Variants in OTOGL observed in about 807,000 individuals in gnomAD.
The protein encoded by OTOGL is otogelin-like protein.
OTOGL carries 285 observed loss-of-function variants against 318.5 expected under a neutral mutation model. That is an observed-to-expected ratio of 0.89 (90% CI 0.81 to 0.99). OTOGL has a LOEUF of 0.99. OTOGL is among the 50% of genes least tolerant of loss of function. The pLI is 0.00. For missense variants in OTOGL, 2,899 were observed against 2,845.6 expected (o/e 1.02, Z -0.43); for synonymous variants, 987 against 936.5 (o/e 1.05, Z -0.99).
intron 1 of OTOGL, among the ~76,000 whole-genome samples, chr12:80,112,711 T>C (rs1472301692): frequency 4.2e-4 from 62 of 148,412 alleles, no homozygotes; most frequent in African/African-American, 1.3e-3. Context: ...TTTTCTTTCT[T>C]TTTTTTTTTT....
intron 1 of OTOGL, among the ~76,000 whole-genome samples, chr12:80,134,848 A>G (rs1286436872): frequency 1.3e-5 from 2 of 152,084 alleles, no homozygotes; most frequent in Non-Finnish European, 2.9e-5. Flanking sequence ...CCATCCCCTC[A>G]TATCTCTGCA....
chr12:80,099,716 C>T (rs1592451264), intron 1 of OTOGL, 111 bp downstream of exon 1: 1 of 152,222 alleles, frequency 6.6e-6, no homozygotes, highest in African/African-American at 2.4e-5. Context: ...GGTGATGAAG[C>T]ATTTACAATA....
chr12:80,106,612 C>T (rs1362154685), intron 1 of OTOGL, among the ~76,000 whole-genome samples: 1 of 152,156 alleles, frequency 6.6e-6, no homozygotes, highest in Non-Finnish European at 1.5e-5. Flanking sequence ...GAAACATACG[C>T]ACACACATAC....
At chr12:80,342,329 A>G (rs1205155244) in intron 44 of OTOGL, among the ~76,000 whole-genome samples, 167 bp downstream of exon 44, 1 of 152,210 alleles carries the variant, frequency 6.6e-6, no homozygotes, top group Admixed American at 6.5e-5. Flanking sequence ...CAGGCTTACA[A>G]ACACAAGAAG....
At chr12:80,308,850 G>A (rs1000288359) in intron 29 of OTOGL, among the ~76,000 whole-genome samples, 2 of 152,160 alleles carry the variant, frequency 1.3e-5, no homozygotes, top group African/African-American at 4.8e-5. Flanking sequence ...GCCTGCAATC[G>A]CAGGCACTCG....
At chr12:80,130,282 G>A (rs537059155) in intron 1 of OTOGL, among the ~76,000 whole-genome samples, 1 of 152,116 alleles carries the variant, frequency 6.6e-6, no homozygotes, top group East Asian at 1.9e-4. Flanking sequence ...AAATTAGACA[G>A]ACAAATTGTT....
intron 9 of OTOGL, among the ~76,000 whole-genome samples, chr12:80,234,773 A>C (rs148291622): frequency 6.6e-6 from 1 of 152,210 alleles, no homozygotes; most frequent in South Asian, 2.1e-4. Context: ...TAGATAATGC[A>C]TCGTCAGGAT....
At chr12:80,158,505 G>T (rs1873276812) in intron 1 of OTOGL, among the ~76,000 whole-genome samples, 1 of 151,986 alleles carries the variant, frequency 6.6e-6, no homozygotes, top group South Asian at 2.1e-4. Context: ...GGCAGAGATA[G>T]GAGGTAAAGG....
chr12:80,369,884 C>T (rs1890775114), intron 55 of OTOGL, among the ~76,000 whole-genome samples: 1 of 151,842 alleles, frequency 6.6e-6, no homozygotes, highest in African/African-American at 2.4e-5. Flanking sequence ...GTAATGCTGA[C>T]ATTAACTACT....
intron 1 of OTOGL, among the ~76,000 whole-genome samples, chr12:80,184,155 G>A (rs979660935): frequency 1.3e-5 from 2 of 152,096 alleles, no homozygotes; most frequent in East Asian, 1.9e-4. Flanking sequence ...CTATACTAAC[G>A]GCAAGCCCTT....
chr12:80,220,394 GGTGA>G (rs1341941062), intron 6 of OTOGL, among the ~76,000 whole-genome samples: 3 of 152,020 alleles, frequency 2.0e-5, no homozygotes, highest in African/African-American at 7.2e-5. Flanking sequence ...CCTGAACTCA[GGTGA>G]TCCTCCCATC....
intron 26 of OTOGL, among the ~76,000 whole-genome samples, chr12:80,286,255 T>C (rs1884612085): frequency 6.6e-6 from 1 of 152,320 alleles, no homozygotes; most frequent in Non-Finnish European, 1.5e-5. Flanking sequence ...CTTTTTGATA[T>C]GCTGCTGGGT....
chr12:80,135,669 G>T lies in OTOGL; in HGVS notation c.-20+36064G>T, dbSNP rs1303856515. Among the ~76,000 whole-genome samples the T allele has an allele frequency of 2.0e-5, 3 of 152,172 alleles. No individual in the cohort carries two copies. In the East Asian group the frequency reaches 5.8e-4, roughly 29 times the overall value. ...ATTTTCTATTTCAATATCTGTAATG[G>T]TTAATTTTATTTCTCAACTTGACTA... On this transcript the variant is annotated intron_variant, in intron 1 of 58. Transcript: ENST00000547103.
At chr12:80,248,353 A>G (rs1289156571) in intron 11 of OTOGL, among the ~76,000 whole-genome samples, 1 of 144,522 alleles carries the variant, frequency 6.9e-6, no homozygotes, top group Non-Finnish European at 1.5e-5. Context: ...CTTTTAGGGC[A>G]GGCCTGGTGG....
intron 17 of OTOGL, among the ~76,000 whole-genome samples, chr12:80,256,790 G>T (rs954970453): frequency 6.6e-6 from 1 of 152,064 alleles, no homozygotes; most frequent in Non-Finnish European, 1.5e-5. Flanking sequence ...TCTGGAGAGG[G>T]GTGTACTGAA....
chr12:80,276,154 G>T (rs1883789676), intron 24 of OTOGL, among the ~76,000 whole-genome samples: 2 of 151,748 alleles, frequency 1.3e-5, no homozygotes, highest in Admixed American at 6.6e-5. Context: ...CATGACTTTG[G>T]CTGGGGATAT....
At chr12:80,250,357 C>T (rs747238153) in intron 11 of OTOGL, among the ~76,000 whole-genome samples, 17 of 151,940 alleles carry the variant, frequency 1.1e-4, no homozygotes, top group Non-Finnish European at 2.1e-4. Context: ...TATTAATGTG[C>T]CTGTCATGGT....
At chr12:80,355,186 A>C (rs997805814) in intron 46 of OTOGL, among the ~76,000 whole-genome samples, 9 of 143,990 alleles carry the variant, frequency 6.3e-5, no homozygotes, top group African/African-American at 1.7e-4. Context: ...AAAAGGAAAG[A>C]AATTTTTCTT....
chr12:80,238,322 C>G (rs1880045335), intron 9 of OTOGL, among the ~76,000 whole-genome samples: 1 of 152,058 alleles, frequency 6.6e-6, no homozygotes, highest in African/African-American at 2.4e-5. Flanking sequence ...GATGTGTTTT[C>G]CAGTCTTTCA....
Sources: allele counts gnomAD v4.1 joint callset (sites outside exome capture counted in the v4.1 genomes callset), GRCh38; gene constraint gnomAD v4.1.1; transcripts MANE v1.5; gene names NCBI Gene and HGNC (gene_info 2026-07-23, HGNC 2026-07-21).